Variants in ABCA1 observed in about 807,000 individuals in gnomAD.
The protein encoded by ABCA1 is phospholipid-transporting ATPase ABCA1.
A neutral mutation model predicts 262.5 loss-of-function variants in ABCA1; 133 were observed. The ratio of observed to expected loss-of-function variants is 0.51; its 90% CI spans 0.44 to 0.59. The LOEUF is 0.59. Among genes scored for constraint, ABCA1 ranks in the 20% least tolerant of loss-of-function variants. The probability of loss-of-function intolerance (pLI) is 0.00; values close to 1 mark genes in which losing one functional copy is unlikely to be tolerated. For missense variants in ABCA1, 2,452 were observed against 2,777.5 expected, an observed-to-expected ratio of 0.88 and a Z score of 2.63; for synonymous variants, 1,022 against 1,043.5, an observed-to-expected ratio of 0.98 and a Z score of 0.40.
At position 104,812,649 on chromosome 9, in the gene ABCA1, T is replaced by C. The variant is rs758753623; in HGVS notation, c.3975A>G (p.Thr1325=). The part of the protein sequence containing the change: ...GSYQVKGWKL[T]QQQFVALLWK... ...ACAAAAGGGCCACAAACTGTTGCTG[T>C]GTAAGTTTCCAGCCTTTCACCTGGT... Residue 1325 remains threonine (T), a synonymous_variant, in exon 28 of 50, where the codon ACA becomes ACG. Coordinates refer to ENST00000374736, the MANE Select transcript of ABCA1 (RefSeq NM_005502.4). 20 of 1,614,122 alleles carry C rather than the reference T, an allele frequency of 1.2e-5. No individual in the cohort carries two copies. The highest frequency in any genetic ancestry group is 1.6e-4 in the Middle Eastern group (1 of 6,084).
rs180782693 is a variant in ABCA1 at position 104,858,791 on chromosome 9, A to G, written c.544-93T>C. ...AAGTCTTTTGGAGAACTTCATATCA[A>G]TACAGCTTTGAAGATCTTAAAACAG... is the stretch of plus-strand genomic sequence containing the variant. On this transcript the variant is annotated intron_variant, in intron 6 of 49. Coordinates refer to ENST00000374736, the MANE Select transcript of ABCA1 (RefSeq NM_005502.4). 1.9e-5 allele frequency: 24 copies of G among 1,275,874 alleles called. No homozygotes were observed. The Admixed American group carries it at 2.7e-4, about 14-fold the overall frequency. 79.0% of individuals were successfully genotyped at this position (1,275,874 alleles called of 1,614,324 possible).
intron 7 of ABCA1, among the ~76,000 whole-genome samples, chr9:104,847,889 C>T (rs1835033500): frequency 6.6e-6 from 1 of 152,150 alleles, no homozygotes; most frequent in East Asian, 1.9e-4. Flanking sequence ...CTATATGCAT[C>T]CATGTATGTT....
intron 19 of ABCA1, among the ~76,000 whole-genome samples, chr9:104,821,769 T>A (rs1003969825): frequency 2.0e-5 from 3 of 152,232 alleles, no homozygotes; most frequent in African/African-American, 7.2e-5. Context: ...AAGTATTCTT[T>A]AAAAAATGTA....
In ABCA1 at chr9:104,903,470, C is replaced by T. The variant is rs2482424; in HGVS notation, c.66+144G>A. On this transcript the variant is annotated intron_variant, in intron 2 of 49. Transcript: ENST00000374736. The stretch of plus-strand genomic sequence containing the variant: ...ACATGCCATATCCGGACCACACAGT[C>T]CTGTGTCCATAAGAGCCAGATTCCA... 116,583 of 870,922 alleles carry T rather than the reference C, an allele frequency of 0.13. 8,937 individuals are homozygous for T. Among genetic ancestry groups the T allele is most frequent in the Admixed American group, 0.26 (12,773 of 49,838 alleles). The allele number at this position is 870,922 out of a possible 1,614,324, so 53.9% of individuals were successfully genotyped here.
At chr9:104,819,549 TCA>T (rs771823775) in intron 22 of ABCA1, 35 bp downstream of exon 22, 5 of 1,613,626 alleles carry the variant, frequency 3.1e-6, no homozygotes, top group South Asian at 2.2e-5. Flanking sequence ...CCGCTCTCTC[TCA>T]GTCCATTTAC....
chr9:104,903,826 C>A (rs768255333), intron 1 of ABCA1, 55 bp from the exon 2 acceptor site: 3 of 757,414 alleles, frequency 4.0e-6, no homozygotes, highest in South Asian at 1.5e-5. Context: ...CAAAGCCATA[C>A]ACCAATGAGG....
chr9:104,786,451 C>A, intron 47 of ABCA1, 61 bp from the exon 48 acceptor site: 1 of 1,417,306 alleles, frequency 7.1e-7, no homozygotes, highest in Non-Finnish European at 1.0e-6. Context: ...ATGAGAACAT[C>A]ACCATGACTT....
chr9:104,816,002 G>T lies in ABCA1; in HGVS notation c.3738+141C>A, dbSNP rs561076988. The T allele has an allele frequency of 4.3e-6, 4 of 932,082 alleles. No individual in the cohort carries two copies. In the East Asian group the frequency reaches 7.2e-5, roughly 17 times the overall value. 57.7% of individuals were successfully genotyped at this position (932,082 alleles called of 1,614,324 possible). On this transcript the variant is annotated intron_variant, in intron 25 of 49. Coordinates refer to ENST00000374736, the MANE Select transcript of ABCA1 (RefSeq NM_005502.4). ...CACTACCATCTTAAATGGCTCACTG[G>T]GGCCAACATTAATCAGATGTCGATG...
At chr9:104,846,220 G>C (rs1588389747) in intron 7 of ABCA1, among the ~76,000 whole-genome samples, 1 of 151,886 alleles carries the variant, frequency 6.6e-6, no homozygotes, top group African/African-American at 2.4e-5. Flanking sequence ...ATAAGCTAAA[G>C]AAAAAAAAGA....
In ABCA1 at chr9:104,785,437, G is replaced by A. The variant is rs756990718; in HGVS notation, c.6604C>T (p.His2202Tyr). The change falls in exon 49 of 50, where the codon CAC becomes TAC. Residue 2202 changes from histidine (H) to tyrosine (Y), a missense_variant. Around this residue, in one of 4 missense-constraint regions of ABCA1, gnomAD observed 752 missense variants for 944.5 expected, o/e 0.80. Transcript: ENST00000374736. ...SILSQSKKRL[H>Y]IEDYSVSQTT... ...TGAGAAACAGAGTAGTCTTCTATGT[G>A]GAGTCGCTTTTTGCTCTGGGAGAGG... is the stretch of plus-strand genomic sequence containing the variant. 1 of 1,614,068 alleles carries A rather than the reference G, an allele frequency of 6.2e-7. No homozygotes were observed. Among genetic ancestry groups the A allele is most frequent in the Non-Finnish European group, 8.5e-7 (1 of 1,179,978 alleles).
intron 40 of ABCA1, 143 bp from the exon 41 acceptor site, chr9:104,793,443 G>A: frequency 8.2e-7 from 1 of 1,219,518 alleles, no homozygotes; most frequent in Non-Finnish European, 1.2e-6. Flanking sequence ...GGAAAAAAGA[G>A]TAACAAGAGA....
intron 2 of ABCA1, among the ~76,000 whole-genome samples, chr9:104,896,711 CTTTTTTTTTTTTTTTTTTTTTTTT>C (rs56710442): frequency 5.1e-4 from 19 of 36,988 alleles, no homozygotes; most frequent in Non-Finnish European, 8.3e-4. Flanking sequence ...CCCTACACAT[CTTTTTTTTTTTTTTTTTTTTTTTT>C]TTTTTTTTTT....
chr9:104,825,470 T>C, intron 17 of ABCA1: 1 of 623,726 alleles, frequency 1.6e-6, no homozygotes, highest in African/African-American at 1.8e-5. Flanking sequence ...TTTTGCATGC[T>C]GCCTGGCACA....
intron 13 of ABCA1, 49 bp from the exon 14 acceptor site, chr9:104,831,150 A>AAT: frequency 3.2e-5 from 5 of 157,856 alleles, no homozygotes; most frequent in African/African-American, 2.0e-4. Context: ...ACCATACAAT[A>AAT]AAAAAAAAAA....
intron 29 of ABCA1, among the ~76,000 whole-genome samples, chr9:104,809,870 AAATC>A (rs1193629251): frequency 6.6e-6 from 1 of 151,948 alleles, no homozygotes; most frequent in Non-Finnish European, 1.5e-5. Flanking sequence ...AATTTGAAGA[AAATC>A]AACTCATTAA....
At chr9:104,903,523 C>G in intron 2 of ABCA1, 91 bp downstream of exon 2, 84 of 1,256,754 alleles carry the variant, frequency 6.7e-5, no homozygotes, top group Middle Eastern at 1.8e-4. Flanking sequence ...ACCAACACAG[C>G]TTCCTTCCCT....
chr9:104,925,917 G>A (rs1407785892), intron 1 of ABCA1, among the ~76,000 whole-genome samples: 4 of 151,664 alleles, frequency 2.6e-5, no homozygotes, highest in African/African-American at 9.7e-5. Flanking sequence ...GGTATGAGAA[G>A]AATAGGTTGA....
At chr9:104,858,106 C>T (rs2253172) in intron 7 of ABCA1, among the ~76,000 whole-genome samples, 42,462 of 151,934 alleles carry the variant, frequency 0.28, 6,032 homozygotes, top group East Asian at 0.43. Context: ...TGTGACAGCC[C>T]ACAATGTCAT....
chr9:104,822,737 CACTGCGCTTGA>C, intron 18 of ABCA1, 70 bp from the exon 19 acceptor site: 9 of 1,576,784 alleles, frequency 5.7e-6, no homozygotes, highest in Non-Finnish European at 7.8e-6. Context: ...GGACACAGGG[CACTGCGCTTGA>C]ACTTTCAGAA....
Sources: gnomAD v4.1 joint callset for allele counts (sites outside exome capture counted in the v4.1 genomes callset) on GRCh38, gnomAD v4.1.1 for gene constraint, gnomAD v4.1.1 regional missense constraint, MANE v1.5 for transcripts, NCBI Gene and HGNC (gene_info 2026-07-23, HGNC 2026-07-21) for gene names.